PCDH9: variants seen among roughly 807,000 people sequenced by gnomAD.
PCDH9 encodes the protein protocadherin 9.
A neutral mutation model predicts 70.6 loss-of-function variants in PCDH9; 24 were observed. The ratio of observed to expected loss-of-function variants is 0.34; its 90% CI spans 0.25 to 0.48. The LOEUF is 0.48. Among genes scored for constraint, PCDH9 ranks in the 20% least tolerant of loss-of-function variants. The pLI, the probability that PCDH9 is intolerant of heterozygous loss-of-function variation, is 0.99. For missense variants in PCDH9, 1,281 were observed against 1,503.6 expected, an observed-to-expected ratio of 0.85 and a Z score of 2.45; for synonymous variants, 562 against 558.5, an observed-to-expected ratio of 1.01 and a Z score of -0.09.
intron 2 of PCDH9, among the ~76,000 whole-genome samples, chr13:67,182,525 C>A (rs989437088): frequency 6.6e-6 from 1 of 151,956 alleles, no homozygotes; most frequent in East Asian, 1.9e-4. Flanking sequence ...ACATAGTAAT[C>A]GAAATGTTCT....
intron 3 of PCDH9, among the ~76,000 whole-genome samples, chr13:66,898,891 G>C (rs1264613088): frequency 6.6e-6 from 1 of 152,006 alleles, no homozygotes. Flanking sequence ...TGTGTCCTTG[G>C]TTGGTGATGT....
At chr13:67,042,721 A>G (rs908868230) in intron 2 of PCDH9, among the ~76,000 whole-genome samples, 5 of 152,214 alleles carry the variant, frequency 3.3e-5, no homozygotes, top group Non-Finnish European at 5.9e-5. Context: ...GAATAACAGC[A>G]ATACAATGAC....
chr13:66,671,045 T>A (rs1023876841), intron 3 of PCDH9, among the ~76,000 whole-genome samples: 1 of 152,048 alleles, frequency 6.6e-6, no homozygotes, highest in Non-Finnish European at 1.5e-5. Flanking sequence ...TCATGGGTTG[T>A]GTTTTTCCCA....
intron 2 of PCDH9, among the ~76,000 whole-genome samples, chr13:67,144,028 A>C (rs1484934649): frequency 6.6e-6 from 1 of 152,100 alleles, no homozygotes; most frequent in Non-Finnish European, 1.5e-5. Context: ...CTAAAGGGCA[A>C]AACTATCTCA....
chr13:66,907,133 G>C (rs2082375338), intron 2 of PCDH9, among the ~76,000 whole-genome samples: 1 of 152,138 alleles, frequency 6.6e-6, no homozygotes, highest in Admixed American at 6.6e-5. Context: ...GAGCTCGAGA[G>C]CTGGAGGTTG....
In PCDH9 at chr13:67,023,590, A is replaced by T. The variant is rs562940832; in HGVS notation, c.3037-119985T>A. ...TGAGGGGAGGCAAACAGAGCAAAGAACTCTCAATTTGTATCAAAGACTGGA... is the reference window on the plus strand; with the variant it reads ...TGAGGGGAGGCAAACAGAGCAAAGATCTCTCAATTTGTATCAAAGACTGGA... On this transcript the variant is annotated intron_variant, in intron 2 of 4. Coordinates refer to ENST00000377865, the MANE Select transcript of PCDH9 (RefSeq NM_203487.3). Among the ~76,000 whole-genome samples the T allele has an allele frequency of 2.0e-3, 302 of 152,240 alleles. 2 individuals are homozygous for T. The highest frequency in any genetic ancestry group is 6.7e-3 in the African/African-American group (277 of 41,546).
At chr13:66,675,979 G>T (rs966635913) in intron 3 of PCDH9, among the ~76,000 whole-genome samples, 6 of 152,092 alleles carry the variant, frequency 3.9e-5, no homozygotes, top group African/African-American at 1.4e-4. Flanking sequence ...ATTTGAAACT[G>T]GCAGATTGTT....
chr13:66,806,617 C>T (rs2080414140), intron 3 of PCDH9, among the ~76,000 whole-genome samples: 1 of 152,162 alleles, frequency 6.6e-6, no homozygotes, highest in Non-Finnish European at 1.5e-5. Context: ...CGATTAGCAG[C>T]ATCGTTTCTG....
chr13:66,592,229 A>G (rs192221678), intron 4 of PCDH9, among the ~76,000 whole-genome samples: 1 of 151,894 alleles, frequency 6.6e-6, no homozygotes, highest in East Asian at 1.9e-4. Context: ...CAACAACAAA[A>G]AAATAGAACA....
In PCDH9 at chr13:67,156,267, C is replaced by T. The variant is rs149360665; in HGVS notation, c.3036+69138G>A. On this transcript the variant is annotated intron_variant, in intron 2 of 4. Transcript: ENST00000377865. ...CAAGGCAAAGACCGAAACGACTGGACGTGTAGAGGAGCGGATCAGCAGAAG... is the reference window on the plus strand; with the variant it reads ...CAAGGCAAAGACCGAAACGACTGGATGTGTAGAGGAGCGGATCAGCAGAAG... Among the ~76,000 whole-genome samples the T allele has an allele frequency of 4.5e-4, 69 of 152,144 alleles. No individual in the cohort carries two copies. The East Asian group carries it at 0.01, about 22-fold the overall frequency.
At chr13:66,682,324 CCT>C (rs1259442456) in intron 3 of PCDH9, among the ~76,000 whole-genome samples, 1 of 151,828 alleles carries the variant, frequency 6.6e-6, no homozygotes, top group African/African-American at 2.4e-5. Context: ...GAATGCGTGA[CCT>C]ATCGCTATGC....
intron 3 of PCDH9, among the ~76,000 whole-genome samples, chr13:66,787,946 A>C (rs570283850): frequency 6.6e-6 from 1 of 152,316 alleles, no homozygotes; most frequent in East Asian, 1.9e-4. Flanking sequence ...GATAATATAC[A>C]ACCTTTTTGT....
chr13:66,607,096 C>T (rs986245973), intron 4 of PCDH9, among the ~76,000 whole-genome samples: 5 of 151,944 alleles, frequency 3.3e-5, no homozygotes, highest in African/African-American at 1.2e-4. Flanking sequence ...ATACTATTTC[C>T]TAAATATAAA....
chr13:66,902,426 C>T (rs998297202), intron 3 of PCDH9, among the ~76,000 whole-genome samples: 1 of 151,262 alleles, frequency 6.6e-6, no homozygotes, highest in Non-Finnish European at 1.5e-5. Context: ...TATACATTAC[C>T]AGTGGGATTT....
intron 4 of PCDH9, among the ~76,000 whole-genome samples, chr13:66,572,142 C>T (rs2076741491): frequency 6.6e-6 from 1 of 152,030 alleles, no homozygotes; most frequent in African/African-American, 2.4e-5. Flanking sequence ...TATTTTGATA[C>T]ATTCATACAA....
chr13:66,636,397 T>G (rs942271303), intron 3 of PCDH9, among the ~76,000 whole-genome samples: 6 of 152,138 alleles, frequency 3.9e-5, no homozygotes, highest in African/African-American at 1.4e-4. Context: ...TTCTTCACTT[T>G]CTTTACGTAG....
intron 2 of PCDH9, among the ~76,000 whole-genome samples, chr13:67,021,816 T>A (rs184812212): frequency 6.6e-6 from 1 of 152,200 alleles, no homozygotes; most frequent in East Asian, 1.9e-4. Context: ...TAAATCAGCC[T>A]CCCAAAGTGC....
rs147760293 is a variant in PCDH9, at chr13:66,351,994, C to A, written c.3341-46966G>T. ...GGGATTACAGGCATCAGCCACCACG[C>A]CCAGCTGATTTTTGTACTTTTAGTA... On this transcript the variant is annotated intron_variant, in intron 4 of 4. Transcript: ENST00000377865. Among the ~76,000 whole-genome samples, 868 of 152,208 alleles carry A rather than the reference C, an allele frequency of 5.7e-3. 9 individuals carry two copies. The highest frequency in any genetic ancestry group is 0.02 in the African/African-American group (817 of 41,534).
chr13:66,445,997 T>A (rs1007786491), intron 4 of PCDH9, among the ~76,000 whole-genome samples: 3 of 151,766 alleles, frequency 2.0e-5, no homozygotes, highest in Non-Finnish European at 4.4e-5. Context: ...ATCTGGAAAT[T>A]TCCTGCAAAC....
Sources: gnomAD v4.1 joint callset for allele counts (sites outside exome capture counted in the v4.1 genomes callset) on GRCh38, gnomAD v4.1.1 for gene constraint, MANE v1.5 for transcripts, NCBI Gene and HGNC (gene_info 2026-07-23, HGNC 2026-07-21) for gene names.